IFT140: variants seen among roughly 807,000 people sequenced by gnomAD.
IFT140 encodes intraflagellar transport protein 140 homolog.
Under a neutral mutation model 164.6 loss-of-function variants are expected in IFT140, and 133 were observed. That is an observed-to-expected ratio of 0.81 (90% CI 0.70 to 0.93). The LOEUF (loss-of-function observed/expected upper bound fraction) is 0.93. IFT140 is among the 40% of genes least tolerant of loss of function. The pLI is 0.00. For synonymous variants in IFT140, 860 were observed against 817.3 expected (o/e 1.05, Z -0.89); for missense variants, 2,045 against 1,972.3 (o/e 1.04, Z -0.70).
intron 20 of IFT140, 41 bp downstream of exon 20, chr16:1,526,578 C>T (rs771441310): frequency 2.4e-5 from 35 of 1,455,194 alleles, no homozygotes; most frequent in East Asian, 1.0e-4. Flanking sequence ...CTGTGGCAGG[C>T]GTGGTGCCTT....
At chr16:1,525,040 A>C (rs780285999) in intron 22 of IFT140, 124 bp from the exon 23 acceptor site, 19 of 1,396,172 alleles carry the variant, frequency 1.4e-5, no homozygotes, top group Non-Finnish European at 1.7e-5. Flanking sequence ...GGCTGGGCCA[A>C]GAGTGAGGAC....
At chr16:1,542,280 C>T (rs1392403741) in intron 19 of IFT140, among the ~76,000 whole-genome samples, 1 of 152,248 alleles carries the variant, frequency 6.6e-6, no homozygotes, top group African/African-American at 2.4e-5. Flanking sequence ...GAAACACACC[C>T]AGGCCAAGGA....
At chr16:1,558,840 G>T (rs967193046) in intron 18 of IFT140, among the ~76,000 whole-genome samples, 1 of 152,246 alleles carries the variant, frequency 6.6e-6, no homozygotes, top group Non-Finnish European at 1.5e-5. Context: ...GGCTTCCCTG[G>T]TCTTGTATCT....
chr16:1,524,516 G>C, intron 24 of IFT140, 36 bp downstream of exon 24: 1 of 1,607,362 alleles, frequency 6.2e-7, no homozygotes, highest in South Asian at 1.1e-5. Context: ...AGGGGACCTC[G>C]AGAAGCGCCG....
intron 19 of IFT140, among the ~76,000 whole-genome samples, chr16:1,557,036 G>C (rs539746697): frequency 5.3e-5 from 8 of 152,156 alleles, no homozygotes; most frequent in South Asian, 2.1e-4. Context: ...GGCTGGTCTC[G>C]AACGAACTCC....
intron 15 of IFT140, among the ~76,000 whole-genome samples, chr16:1,566,780 G>C (rs2033742650): frequency 6.6e-6 from 1 of 151,974 alleles, no homozygotes; most frequent in Non-Finnish European, 1.5e-5. Context: ...GGGTCTTCCC[G>C]TCAGTGTTAA....
chr16:1,611,741 G>C lies in IFT140; in HGVS notation c.-222+227C>G, dbSNP rs137970350. 5.6e-3 allele frequency among the ~76,000 whole-genome samples: 846 copies of C among 150,730 alleles called. 11 individuals are homozygous for C. The highest frequency in any genetic ancestry group is 0.019 in the African/African-American group (761 of 40,996). ...AGGCAGGAGAATCGCTTGAACCTGG[G>C]AGGCGGAGCTTGCAGTGAGCCAAGA... On this transcript the variant is annotated intron_variant, in intron 1 of 30. Transcript: ENST00000426508.
rs1316884816 is a variant in IFT140, at chr16:1,590,295, T to A, written c.635-515A>T. 2.6e-5 allele frequency among the ~76,000 whole-genome samples: 4 copies of A among 151,992 alleles called. No individual in the cohort carries two copies. The East Asian group carries it at 7.7e-4, about 29-fold the overall frequency. On this transcript the variant is annotated intron_variant, in intron 6 of 30. Coordinates refer to ENST00000426508, the MANE Select transcript of IFT140 (RefSeq NM_014714.4). Reference sequence around the variant, plus strand: ...TCATGGGTTCAGCTCAGCCTCAAGCTGTCTCTATGGATTCCTCCTCTGCCC... The same window carrying A: ...TCATGGGTTCAGCTCAGCCTCAAGCAGTCTCTATGGATTCCTCCTCTGCCC...
intron 4 of IFT140, among the ~76,000 whole-genome samples, chr16:1,595,889 C>T (rs1401488634): frequency 2.6e-5 from 4 of 152,096 alleles, no homozygotes; most frequent in East Asian, 3.9e-4. Flanking sequence ...CCTGTCTCTA[C>T]TAAAAATATA....
intron 19 of IFT140, chr16:1,555,640 T>A (rs1894803200): frequency 6.6e-6 from 1 of 152,578 alleles, no homozygotes; most frequent in Admixed American, 6.5e-5. Context: ...CACTTTTTTG[T>A]GATTTTTTGG....
chr16:1,611,488 G>GACTCCGTC (rs2036316104), intron 1 of IFT140, among the ~76,000 whole-genome samples: 1 of 110,500 alleles, frequency 9.0e-6, no homozygotes, highest in Non-Finnish European at 1.8e-5. Context: ...GACAGAGCGA[G>GACTCCGTC]TCAAAAAAAA....
intron 3 of IFT140, among the ~76,000 whole-genome samples, chr16:1,604,671 C>G (rs1426420795): frequency 6.6e-6 from 1 of 152,122 alleles, no homozygotes; most frequent in Non-Finnish European, 1.5e-5. Flanking sequence ...GAGGGCACAG[C>G]TGCCACAGTA....
chr16:1,584,331 C>G lies in IFT140; in HGVS notation c.1245G>C (p.Gln415His). The G allele has an allele frequency of 3.1e-6, 5 of 1,613,614 alleles. No homozygotes were observed. The highest frequency in any genetic ancestry group is 4.2e-6 in the Non-Finnish European group (5 of 1,179,938). Residue 415 changes from glutamine (Q) to histidine (H), a missense_variant, in exon 11 of 31, where the codon CAG becomes CAC. Coordinates refer to ENST00000426508, the MANE Select transcript of IFT140 (RefSeq NM_014714.4). Reference sequence around the variant, plus strand: ...GGGAGACCTGCATGGCGGCCACTTGCTGGTGGAAGTGTGACGACATGGCCC... The same window carrying G: ...GGGAGACCTGCATGGCGGCCACTTGGTGGTGGAAGTGTGACGACATGGCCC... ...SERAMSSHFH[Q>H]QVAAMQVSPS... is the part of the protein sequence containing the mutation.
chr16:1,519,540 C>T (rs958691071), intron 29 of IFT140, among the ~76,000 whole-genome samples: 10 of 152,062 alleles, frequency 6.6e-5, no homozygotes, highest in Non-Finnish European at 8.8e-5. Flanking sequence ...GGTCACACAG[C>T]GGCACTCACT....
At chr16:1,514,418 G>T (rs2040284264) in intron 30 of IFT140, 1 of 152,062 alleles carries the variant, frequency 6.6e-6, no homozygotes, top group South Asian at 2.1e-4. Flanking sequence ...GACCACAGCA[G>T]CTGGAATGTG....
Position 1,602,571 on chromosome 16 carries a change from T to G in IFT140, c.168A>C (p.Thr56=). The G allele has an allele frequency of 6.2e-7, 1 of 1,612,846 alleles. No individual in the cohort carries two copies. The highest frequency in any genetic ancestry group is 8.5e-7 in the Non-Finnish European group (1 of 1,180,036). The change falls in exon 4 of 31, where the codon ACA becomes ACC. Residue 56 remains threonine, a synonymous_variant. Transcript: ENST00000426508. ...YLEQGECVPD[T]HVERPFRVAS... is the part of the protein sequence containing the mutation. ...CAACCCGGAACGGCCTCTCGACGTG[T>G]GTATCTGGCACGCACTCCCCCTGCA... is the stretch of plus-strand genomic sequence containing the variant.
chr16:1,520,077 C>T (rs113734226), intron 28 of IFT140, 30 bp from the exon 29 acceptor site: 49,266 of 1,607,878 alleles, frequency 0.031, 1,000 homozygotes, highest in Non-Finnish European at 0.038. Flanking sequence ...CAAGACCTGC[C>T]GGGCTCCACA....
intron 12 of IFT140, among the ~76,000 whole-genome samples, chr16:1,582,732 C>T (rs773065978): frequency 2.4e-4 from 37 of 152,350 alleles, no homozygotes; most frequent in Non-Finnish European, 4.3e-4. Context: ...GTTGAAACCC[C>T]GTCTCTACTA....
Position 1,557,916 on chromosome 16 carries a change from C to G in IFT140, c.2399+19G>C, listed in dbSNP as rs2033191634. ...GAGCACGCGCTATCTCCCAACATCC[C>G]AGTGGTCGGGATCCTCACCTTTTGA... is the stretch of plus-strand genomic sequence containing the variant. On this transcript the variant is annotated intron_variant, in intron 19 of 30. Transcript: ENST00000426508. 1 of 1,609,594 alleles carries G rather than the reference C, an allele frequency of 6.2e-7. No homozygotes were observed. The highest frequency in any genetic ancestry group is 8.5e-7 in the Non-Finnish European group (1 of 1,176,880).
Sources: gnomAD v4.1 joint callset for allele counts (sites outside exome capture counted in the v4.1 genomes callset) on GRCh38, gnomAD v4.1.1 for gene constraint, MANE v1.5 for transcripts, NCBI Gene and HGNC (gene_info 2026-07-23, HGNC 2026-07-21) for gene names.